The following ATG4B variants were observed in gnomAD, a reference collection of about 807,000 sequenced individuals.
The protein encoded by ATG4B is autophagy related 4B cysteine peptidase, also known as cysteine protease ATG4B.
In ATG4B, 29 loss-of-function variants were observed where a neutral mutation model predicts 56.6. The ratio of observed to expected loss-of-function variants is 0.51; its 90% confidence interval spans 0.38 to 0.70. The LOEUF (loss-of-function observed/expected upper bound fraction) is 0.70, where lower values mean the gene tolerates loss of function less well. Among genes scored for constraint, ATG4B ranks in the 30% least tolerant of loss-of-function variants. ATG4B has a pLI of 0.00. For synonymous variants in ATG4B, 224 were observed against 206.1 expected (o/e 1.09, Z -0.74); for missense variants, 461 against 515.5 (o/e 0.89, Z 1.02).
intron 6 of ATG4B, among the ~76,000 whole-genome samples, chr2:241,658,722 G>A (rs1255244824): frequency 6.6e-6 from 1 of 152,224 alleles, no homozygotes; most frequent in Non-Finnish European, 1.5e-5. Flanking sequence ...GGAGGGGAGA[G>A]CAGAGCAGAG....
At chr2:241,670,507 A>G in intron 10 of ATG4B, 1 of 605,412 alleles carries the variant, frequency 1.7e-6, no homozygotes, top group East Asian at 2.8e-5. Flanking sequence ...ACAGCAACGC[A>G]GTGGAGCCTG....
intron 7 of ATG4B, 59 bp downstream of exon 7, chr2:241,659,246 T>G: frequency 2.8e-6 from 4 of 1,451,638 alleles, no homozygotes; most frequent in Non-Finnish European, 3.8e-6. Context: ...ACATACACAC[T>G]TCCTCGCCTG....
chr2:241,648,962 G>C (rs747689445), intron 1 of ATG4B, among the ~76,000 whole-genome samples: 1 of 152,228 alleles, frequency 6.6e-6, no homozygotes, highest in Non-Finnish European at 1.5e-5. Flanking sequence ...TGACAGAGCG[G>C]ACATTGCAGC....
chr2:241,639,011 C>G (rs2067791025), intron 1 of ATG4B, among the ~76,000 whole-genome samples: 2 of 152,208 alleles, frequency 1.3e-5, no homozygotes, highest in African/African-American at 4.8e-5. Flanking sequence ...TGGGTCCAGG[C>G]TCGCCGCAGG....
At chr2:241,650,536 G>C (rs1306943768) in intron 1 of ATG4B, among the ~76,000 whole-genome samples, 1 of 152,126 alleles carries the variant, frequency 6.6e-6, no homozygotes, top group Non-Finnish European at 1.5e-5. Context: ...ACGACTCTTT[G>C]CCCTGTTTCT....
chr2:241,672,420 C>T lies in ATG4B; in HGVS notation c.*156C>T. ...TGCTCGTGGACTGAGGCTGCGCTGCCCGGGAGGCCTTACTGCTTGGTGTCA... is the reference window on the plus strand; with the variant it reads ...TGCTCGTGGACTGAGGCTGCGCTGCTCGGGAGGCCTTACTGCTTGGTGTCA... On this transcript the variant is annotated 3_prime_UTR_variant, in exon 13 of 13. Transcript: ENST00000404914. 4 of 682,362 alleles carry T rather than the reference C, an allele frequency of 5.9e-6. No homozygotes were observed. Among genetic ancestry groups the T allele is most frequent in the South Asian group, 5.6e-5 (3 of 53,880 alleles). The allele number at this position is 682,362 out of a possible 1,614,324, so 42.3% of individuals were successfully genotyped here.
intron 8 of ATG4B, 108 bp downstream of exon 8, chr2:241,666,946 G>T: frequency 7.6e-7 from 1 of 1,322,130 alleles, no homozygotes. Flanking sequence ...GCCGGCTCTC[G>T]GGGGAGGGGT....
At chr2:241,654,466 C>T in intron 4 of ATG4B, 80 bp from the exon 5 acceptor site, 1 of 857,334 alleles carries the variant, frequency 1.2e-6, no homozygotes, top group Non-Finnish European at 1.8e-6. Context: ...GTTTGGATGC[C>T]ATCTGTATCT....
chr2:241,666,105 G>C (rs991334630), intron 7 of ATG4B, among the ~76,000 whole-genome samples: 1 of 152,240 alleles, frequency 6.6e-6, no homozygotes, highest in African/African-American at 2.4e-5. Flanking sequence ...AATCAGCCTG[G>C]CTCCTCTGAG....
chr2:241,671,297 ATGTCTCACTAACAGC>A lies in ATG4B; in HGVS notation c.1015-8_1021del. 6.2e-7 allele frequency: 1 copy of A among 1,608,342 alleles called. No homozygotes were observed. Among genetic ancestry groups the A allele is most frequent in the Non-Finnish European group, 8.5e-7 (1 of 1,176,876 alleles). On this transcript the variant is annotated splice_acceptor_variant and splice_polypyrimidine_tract_variant and coding_sequence_variant and intron_variant, in exon 12 of 13. Transcript: ENST00000404914. LOFTEE classifies it high-confidence loss of function. ...TGGGGTGAGGCTGCACCTAACGGCC[ATGTCTCACTAACAGC>A]TGTCTCTGCTTGGAGGTGCCCTGCC... is the stretch of plus-strand genomic sequence containing the variant.
At chr2:241,657,397 C>CCA (rs2068443209) in intron 6 of ATG4B, among the ~76,000 whole-genome samples, 1 of 152,016 alleles carries the variant, frequency 6.6e-6, no homozygotes, top group South Asian at 2.1e-4. Flanking sequence ...CTCCCGGGTC[C>CCA]CAGTTCAAGC....
intron 1 of ATG4B, among the ~76,000 whole-genome samples, chr2:241,645,458 C>T (rs989470560): frequency 6.6e-6 from 1 of 152,208 alleles, no homozygotes; most frequent in Non-Finnish European, 1.5e-5. Context: ...AGAATACCTC[C>T]CATCCATGCC....
intron 11 of ATG4B, 112 bp from the exon 12 acceptor site, chr2:241,671,200 A>C (rs2068957266): frequency 2.2e-6 from 2 of 908,284 alleles, no homozygotes; most frequent in Non-Finnish European, 3.4e-6. Context: ...TTTTCTCATC[A>C]GTGAGATGGG....
Position 241,669,887 on chromosome 2 carries a change from C to T in ATG4B, c.958-839C>T, listed in dbSNP as rs7600068. Among the ~76,000 whole-genome samples, 472 of 150,974 alleles carry T rather than the reference C, an allele frequency of 3.1e-3. 3 individuals carry two copies. Among genetic ancestry groups the T allele is most frequent in the African/African-American group, 0.011 (448 of 41,392 alleles). On this transcript the variant is annotated intron_variant, in intron 10 of 12. Coordinates refer to ENST00000404914, the MANE Select transcript of ATG4B (RefSeq NM_013325.5). ...GGTATGTTTGTTACTGTAAACGCAGCTTGGTGGCTTACAGTGATTGGCACT... is the reference window on the plus strand; with the variant it reads ...GGTATGTTTGTTACTGTAAACGCAGTTTGGTGGCTTACAGTGATTGGCACT...
chr2:241,665,015 G>T (rs2068718762), intron 7 of ATG4B, among the ~76,000 whole-genome samples: 1 of 152,200 alleles, frequency 6.6e-6, no homozygotes, highest in African/African-American at 2.4e-5. Context: ...AGCTACTCGG[G>T]AGGCTGAGGC....
intron 1 of ATG4B, among the ~76,000 whole-genome samples, chr2:241,649,422 T>C (rs1379794365): frequency 6.6e-6 from 1 of 152,258 alleles, no homozygotes; most frequent in Admixed American, 6.5e-5. Context: ...GGGGTTGTTA[T>C]CAAAAAGTAA....
At chr2:241,661,555 A>G (rs1259906391) in intron 7 of ATG4B, among the ~76,000 whole-genome samples, 2 of 152,112 alleles carry the variant, frequency 1.3e-5, no homozygotes, top group African/African-American at 4.8e-5. Flanking sequence ...CTAAGCAAGG[A>G]CTTTTCTTCT....
At chr2:241,652,441 C>G (rs1373024348) in intron 3 of ATG4B, among the ~76,000 whole-genome samples, 1 of 152,242 alleles carries the variant, frequency 6.6e-6, no homozygotes, top group Non-Finnish European at 1.5e-5. Flanking sequence ...GGGGATGAGC[C>G]TGCACATGAA....
chr2:241,642,589 C>A (rs2067925858), intron 1 of ATG4B, among the ~76,000 whole-genome samples: 1 of 151,076 alleles, frequency 6.6e-6, no homozygotes, highest in Non-Finnish European at 1.5e-5. Context: ...GTAGTCCTCT[C>A]TGGTTGAATG....
Sources: gnomAD v4.1 joint callset for allele counts (sites outside exome capture counted in the v4.1 genomes callset) on GRCh38, gnomAD v4.1.1 for gene constraint, MANE v1.5 for transcripts, NCBI Gene and HGNC (gene_info 2026-07-23, HGNC 2026-07-21) for gene names.